PGR: variants seen among roughly 807,000 people sequenced by gnomAD.
PGR encodes nuclear receptor subfamily 3 group C member 3.
Under a neutral mutation model 76.1 loss-of-function variants are expected in PGR, and 25 were observed. The ratio of observed to expected loss-of-function variants is 0.33; its 90% CI spans 0.24 to 0.46. The LOEUF (loss-of-function observed/expected upper bound fraction) is 0.46. Ranked by LOEUF, PGR falls within the 20% of genes least tolerant of loss-of-function variation. The pLI, the probability that PGR is intolerant of heterozygous loss-of-function variation, is 1.00. For synonymous variants in PGR, 579 were observed against 535.0 expected, an observed-to-expected ratio of 1.08 and a Z score of -1.14; for missense variants, 1,172 against 1,225.3, an observed-to-expected ratio of 0.96 and a Z score of 0.65.
intron 2 of PGR, among the ~76,000 whole-genome samples, chr11:101,110,719 A>G (rs1025618502): frequency 1.3e-5 from 2 of 152,204 alleles, no homozygotes; most frequent in African/African-American, 4.8e-5. Context: ...AAGAAGCTCT[A>G]CTGTGGGTAA....
rs143789208 is a variant in PGR at position 101,058,750 on chromosome 11, AC to A, written c.2212+3696del. Among the ~76,000 whole-genome samples, 961 of 152,274 alleles carry A rather than the reference AC, an allele frequency of 6.3e-3. 7 individuals carry two copies. Among genetic ancestry groups the A allele is most frequent in the African/African-American group, 0.022 (920 of 41,554 alleles). On this transcript the variant is annotated intron_variant, in intron 4 of 7. Coordinates refer to ENST00000325455, the MANE Select transcript of PGR (RefSeq NM_000926.4). ...AGGTGACACCGAATTGTGAATTAGT[AC>A]TTTTAATTTAAACTCTAACATCTAC... is the stretch of plus-strand genomic sequence containing the variant.
rs116395595 is a variant in PGR, at chr11:101,034,694, T to C, written c.*4422A>G. ...CTTCTTTCCTAAGTTTATTAATAAA[T>C]AGGGATGTGATCCAACCTGAACTCA... is the stretch of plus-strand genomic sequence containing the variant. On this transcript the variant is annotated 3_prime_UTR_variant, in exon 8 of 8. Transcript: ENST00000325455. 1 of 172,618 alleles carries C rather than the reference T, an allele frequency of 5.8e-6. No individual in the cohort carries two copies. Among genetic ancestry groups the C allele is most frequent in the African/African-American group, 2.4e-5 (1 of 42,234 alleles). 10.7% of individuals were successfully genotyped at this position (172,618 alleles called of 1,614,324 possible).
At chr11:101,102,893 G>A (rs1398982992) in intron 2 of PGR, among the ~76,000 whole-genome samples, 1 of 151,790 alleles carries the variant, frequency 6.6e-6, no homozygotes, top group Non-Finnish European at 1.5e-5. Context: ...GGTGATTTCA[G>A]GATGAAATTG....
Position 101,062,437 on chromosome 11 carries a change from T to C in PGR, c.2212+10A>G. On this transcript the variant is annotated intron_variant, in intron 4 of 7. Coordinates refer to ENST00000325455, the MANE Select transcript of PGR (RefSeq NM_000926.4). ...TTTTATTACATGCTGTATATAAAAA[T>C]TATTATTACCTGGCAATGATTTAGA... 6.3e-7 allele frequency: 1 copy of C among 1,599,200 alleles called. No individual in the cohort carries two copies. The highest frequency in any genetic ancestry group is 8.6e-7 in the Non-Finnish European group (1 of 1,166,726).
chr11:101,112,857 C>G (rs79820064), intron 2 of PGR, among the ~76,000 whole-genome samples: 3,069 of 152,224 alleles, frequency 0.02, 81 homozygotes, highest in African/African-American at 0.057. Context: ...AGAGAAGGTT[C>G]TGTGGGTTCC....
chr11:101,063,252 GC>G (rs1385462650), intron 3 of PGR: 1 of 152,580 alleles, frequency 6.6e-6, no homozygotes, highest in Non-Finnish European at 1.5e-5. Context: ...TTGTTTGCCA[GC>G]CCCACAAAAT....
rs1450449417 is a variant in PGR, at chr11:101,038,451, T to G, written c.*665A>C. ...AAAACCTACAAAACCCACAATACTATTTGCATAATGATATGAATCTACTTA... is the reference window on the plus strand; with the variant it reads ...AAAACCTACAAAACCCACAATACTAGTTGCATAATGATATGAATCTACTTA... On this transcript the variant is annotated 3_prime_UTR_variant, in exon 8 of 8. Coordinates refer to ENST00000325455, the MANE Select transcript of PGR (RefSeq NM_000926.4). 4.4e-6 allele frequency: 1 copy of G among 224,738 alleles called. No homozygotes were observed. Among genetic ancestry groups the G allele is most frequent in the Non-Finnish European group, 8.9e-6 (1 of 112,764 alleles). 13.9% of individuals were successfully genotyped at this position (224,738 alleles called of 1,614,324 possible).
intron 5 of PGR, chr11:101,051,073 T>C (rs1458382012): frequency 4.2e-5 from 8 of 191,648 alleles, no homozygotes; most frequent in Admixed American, 1.1e-4. Flanking sequence ...TAATTTGTCA[T>C]GTATGAAGAA....
intron 3 of PGR, chr11:101,063,846 C>T (rs1860601666): frequency 6.6e-6 from 1 of 152,146 alleles, no homozygotes; most frequent in Admixed American, 6.6e-5. Context: ...GCAATGGTTG[C>T]TTTTGGATGG....
At chr11:101,081,597 G>A (rs1427717292) in intron 3 of PGR, among the ~76,000 whole-genome samples, 1 of 152,104 alleles carries the variant, frequency 6.6e-6, no homozygotes, top group Non-Finnish European at 1.5e-5. Context: ...AGAGATTGGG[G>A]GCCTGTTTTC....
At chr11:101,082,363 A>AAG (rs1483930984) in intron 3 of PGR, among the ~76,000 whole-genome samples, 2 of 152,250 alleles carry the variant, frequency 1.3e-5, no homozygotes, top group Non-Finnish European at 2.9e-5. Context: ...GAGCACAGTT[A>AAG]AGAAGATACC....
At chr11:101,047,624 G>C (rs536447056) in intron 6 of PGR, among the ~76,000 whole-genome samples, 1 of 152,180 alleles carries the variant, frequency 6.6e-6, no homozygotes, top group Admixed American at 6.5e-5. Context: ...TGGGACCTTA[G>C]AAAGAAGTCC....
At chr11:101,085,445 A>G (rs1182358633) in intron 3 of PGR, among the ~76,000 whole-genome samples, 3 of 147,414 alleles carry the variant, frequency 2.0e-5, no homozygotes, top group South Asian at 4.4e-4. Context: ...TATTAAGAGG[A>G]GAGTTTACAG....
intron 3 of PGR, among the ~76,000 whole-genome samples, chr11:101,083,071 C>T (rs1861362914): frequency 6.6e-6 from 1 of 152,236 alleles, no homozygotes; most frequent in Non-Finnish European, 1.5e-5. Context: ...GGCCTAGCTA[C>T]TCTGTGCAGC....
chr11:101,080,031 A>T (rs544689222), intron 3 of PGR, among the ~76,000 whole-genome samples: 48 of 152,262 alleles, frequency 3.2e-4, no homozygotes, highest in African/African-American at 1.1e-3. Flanking sequence ...CTTGGTGGCC[A>T]CCCACTGGAT....
chr11:101,114,587 G>A (rs1340893607), intron 2 of PGR, among the ~76,000 whole-genome samples: 1 of 152,088 alleles, frequency 6.6e-6, no homozygotes, highest in African/African-American at 2.4e-5. Context: ...TATTCTGCAT[G>A]GTGCTTTTAG....
At chr11:101,117,709 AAT>A (rs1332868766) in intron 2 of PGR, among the ~76,000 whole-genome samples, 1 of 152,132 alleles carries the variant, frequency 6.6e-6, no homozygotes, top group African/African-American at 2.4e-5. Context: ...AACTATCAAA[AAT>A]AAACGTTTCT....
At chr11:101,105,011 G>A (rs1339877734) in intron 2 of PGR, among the ~76,000 whole-genome samples, 1 of 152,162 alleles carries the variant, frequency 6.6e-6, no homozygotes, top group Non-Finnish European at 1.5e-5. Context: ...AGTGGGGAGT[G>A]TTGGGGAAAG....
rs1266633631 is a variant in PGR, at chr11:101,033,099, T to G, written c.*6017A>C. The G allele has an allele frequency of 4.9e-6, 1 of 205,816 alleles. No homozygotes were observed. Among genetic ancestry groups the G allele is most frequent in the South Asian group, 1.9e-4 (1 of 5,268 alleles). The allele number at this position is 205,816 out of a possible 1,614,324, so 12.7% of individuals were successfully genotyped here. A position where few individuals can be genotyped will look rare whatever the true frequency, so the allele number is the denominator to read the frequency against. On this transcript the variant is annotated 3_prime_UTR_variant, in exon 8 of 8. Coordinates refer to ENST00000325455, the MANE Select transcript of PGR (RefSeq NM_000926.4). ...CTTAAACCCTTTGTGCTGATTTTTCTTATAAACATGCACAACTCAGAAAAG... is the reference window on the plus strand; with the variant it reads ...CTTAAACCCTTTGTGCTGATTTTTCGTATAAACATGCACAACTCAGAAAAG...
Sources: gnomAD v4.1 joint callset for allele counts (sites outside exome capture counted in the v4.1 genomes callset) on GRCh38, gnomAD v4.1.1 for gene constraint, MANE v1.5 for transcripts, NCBI Gene and HGNC (gene_info 2026-07-23, HGNC 2026-07-21) for gene names.